Variants in PPHLN1 observed in about 807,000 individuals in gnomAD.
The protein encoded by PPHLN1 is periphilin 1.
Under a neutral mutation model 51.3 loss-of-function variants are expected in PPHLN1, and 29 were observed. That is an observed-to-expected ratio of 0.57 (90% CI 0.42 to 0.77). PPHLN1 has a LOEUF of 0.77. PPHLN1 is among the 30% of genes least tolerant of loss of function. The pLI is 0.00. For missense variants in PPHLN1, 436 were observed against 438.4 expected (o/e 0.99, Z 0.05); for synonymous variants, 147 against 147.8 (o/e 0.99, Z 0.04).
At chr12:42,396,183 T>C (rs2078180726) in intron 8 of PPHLN1, among the ~76,000 whole-genome samples, 1 of 152,178 alleles carries the variant, frequency 6.6e-6, no homozygotes, top group African/African-American at 2.4e-5. Context: ...TAATTTATTA[T>C]TAATATGTTC....
intron 4 of PPHLN1, among the ~76,000 whole-genome samples, chr12:42,371,231 C>T (rs1025451273): frequency 2.7e-5 from 4 of 150,828 alleles, no homozygotes; most frequent in Non-Finnish European, 5.9e-5. Context: ...GTGATCCTCC[C>T]GCCTCAGCCC....
chr12:42,381,699 T>A (rs1203185828), intron 5 of PPHLN1, among the ~76,000 whole-genome samples: 1 of 152,224 alleles, frequency 6.6e-6, no homozygotes, highest in Admixed American at 6.5e-5. Flanking sequence ...AGTAGATCTC[T>A]GAGAAACATG....
intron 1 of PPHLN1, among the ~76,000 whole-genome samples, chr12:42,327,632 T>C (rs80181743): frequency 0.012 from 1,795 of 152,366 alleles, 38 homozygotes; most frequent in African/African-American, 0.041. Context: ...CTCTTAGCTG[T>C]CCTGCACTTC....
Position 42,379,713 on chromosome 12 carries a change from T to C in PPHLN1, c.511+4639T>C, listed in dbSNP as rs200999169. ...CAATTGTATGTGTGTAGTTAATGCA[T>C]TGAAAAAAAAACTAGAAATACTACA... On this transcript the variant is annotated intron_variant, in intron 5 of 9. Transcript: ENST00000358314. Among the ~76,000 whole-genome samples the C allele has an allele frequency of 1.1e-3, 174 of 152,070 alleles. 1 individual carries two copies. The South Asian group carries it at 0.029, about 25-fold the overall frequency.
chr12:42,364,945 G>A (rs1340225745), intron 4 of PPHLN1, among the ~76,000 whole-genome samples: 3 of 152,166 alleles, frequency 2.0e-5, no homozygotes, highest in Admixed American at 6.5e-5. Flanking sequence ...CTAGTTGGAA[G>A]ATCTCTTAGT....
chr12:42,332,707 G>A, intron 1 of PPHLN1: 1 of 1,474,930 alleles, frequency 6.8e-7, no homozygotes, highest in Non-Finnish European at 9.4e-7. Flanking sequence ...ACTCAAGTAA[G>A]TATAGTATAG....
At chr12:42,397,620 C>G (rs1335925933) in intron 8 of PPHLN1, among the ~76,000 whole-genome samples, 1 of 152,046 alleles carries the variant, frequency 6.6e-6, no homozygotes, top group Non-Finnish European at 1.5e-5. Context: ...AACAGAACAC[C>G]AGTGACTGGG....
intron 1 of PPHLN1, among the ~76,000 whole-genome samples, chr12:42,333,796 A>G (rs2070176073): frequency 6.6e-6 from 1 of 151,920 alleles, no homozygotes; most frequent in Non-Finnish European, 1.5e-5. Context: ...TCCTTTACTA[A>G]CCTATGTAAG....
chr12:42,398,659 AAGT>A, intron 8 of PPHLN1, 192 bp from the exon 9 acceptor site: 2 of 424,582 alleles, frequency 4.7e-6, no homozygotes, highest in Non-Finnish European at 8.1e-6. Flanking sequence ...AAAAAAAAAA[AAGT>A]AGCAGTCATT....
intron 9 of PPHLN1, among the ~76,000 whole-genome samples, chr12:42,429,822 A>G (rs575721012): frequency 6.6e-6 from 1 of 152,326 alleles, no homozygotes; most frequent in African/African-American, 2.4e-5. Context: ...CCAGGGTCAA[A>G]GCAGAACAGA....
intron 1 of PPHLN1, among the ~76,000 whole-genome samples, chr12:42,329,165 G>C (rs1222671484): frequency 6.6e-6 from 1 of 150,880 alleles, no homozygotes; most frequent in Non-Finnish European, 1.5e-5. Context: ...GCAGTGGCGC[G>C]ATCTTGGCTC....
At chr12:42,431,990 C>T in intron 9 of PPHLN1, 1 of 1,485,610 alleles carries the variant, frequency 6.7e-7, no homozygotes, top group African/African-American at 1.4e-5. Context: ...TGATCTGATT[C>T]TGATTATCAA....
intron 5 of PPHLN1, among the ~76,000 whole-genome samples, chr12:42,376,659 T>A (rs897395689): frequency 6.6e-6 from 1 of 152,100 alleles, no homozygotes; most frequent in Non-Finnish European, 1.5e-5. Flanking sequence ...GGTATGGTGA[T>A]GTATGCTTGT....
Position 42,351,878 on chromosome 12 carries a change from GT to G in PPHLN1, c.73-3del, listed in dbSNP as rs775771158. ...CATTTGTATATATTTCTTTTTGTCT[GT>G]TTTAGGATGGCTACAATAGACTAGT... On this transcript the variant is annotated splice_polypyrimidine_tract_variant and splice_region_variant and intron_variant, in intron 2 of 9. Transcript: ENST00000358314. 1.3e-6 allele frequency: 2 copies of G among 1,545,374 alleles called. No homozygotes were observed. The highest frequency in any genetic ancestry group is 2.4e-5 in the East Asian group (1 of 40,906).
chr12:42,445,280 G>A (rs1284275387), downstream of PPHLN1: 23 of 595,388 alleles, frequency 3.9e-5, no homozygotes. Flanking sequence ...ACCAAAATTA[G>A]AGAAACTTAA....
At chr12:42,370,010 C>T (rs1353597508) in intron 4 of PPHLN1, among the ~76,000 whole-genome samples, 2 of 152,214 alleles carry the variant, frequency 1.3e-5, no homozygotes, top group African/African-American at 4.8e-5. Flanking sequence ...TATCCACAGG[C>T]ATGGCCAGGC....
chr12:42,403,333 A>C (rs1031681958), intron 9 of PPHLN1, among the ~76,000 whole-genome samples: 3 of 152,230 alleles, frequency 2.0e-5, no homozygotes, highest in African/African-American at 7.2e-5. Flanking sequence ...CTCACATAAG[A>C]TGTACCTCTG....
intron 9 of PPHLN1, among the ~76,000 whole-genome samples, chr12:42,407,845 T>C (rs1423865385): frequency 1.3e-5 from 2 of 152,088 alleles, no homozygotes; most frequent in Non-Finnish European, 2.9e-5. Context: ...AAGGAAAAAA[T>C]TCAGTACATG....
intron 2 of PPHLN1, among the ~76,000 whole-genome samples, chr12:42,341,683 G>A (rs984985966): frequency 6.6e-5 from 10 of 151,978 alleles, no homozygotes; most frequent in African/African-American, 2.4e-4. Flanking sequence ...AGTGCAGCGG[G>A]CGATCTCGGC....
Sources: gnomAD v4.1 joint callset for allele counts (sites outside exome capture counted in the v4.1 genomes callset) on GRCh38, gnomAD v4.1.1 for gene constraint, MANE v1.5 for transcripts, NCBI Gene and HGNC (gene_info 2026-07-23, HGNC 2026-07-21) for gene names.